BRI3: variants seen among roughly 807,000 people sequenced by gnomAD.
The protein encoded by BRI3 is brain protein I3, also known as membrane protein BRI3.
BRI3 carries 6 observed loss-of-function variants against 12.8 expected under a neutral mutation model. The observed-to-expected ratio is 0.47, with a 90% CI of 0.26 to 0.93. BRI3 has a LOEUF of 0.93. Ranked by LOEUF, BRI3 falls within the 40% of genes least tolerant of loss-of-function variation. BRI3 has a pLI of 0.15. For synonymous variants in BRI3, 91 were observed against 76.1 expected, an observed-to-expected ratio of 1.20 and a Z score of -1.02; for missense variants, 134 against 171.1, an observed-to-expected ratio of 0.78 and a Z score of 1.21.
upstream of BRI3, chr7:98,304,117 C>T (rs1011138130): frequency 2.3e-5 from 32 of 1,407,330 alleles, no homozygotes; most frequent in East Asian, 1.3e-4. Flanking sequence ...CAGAGCAAGG[C>T]GGTCACCACA....
the BRI3 span, among the ~76,000 whole-genome samples, chr7:98,317,657 T>G: frequency 1.3e-5 from 2 of 151,678 alleles, no homozygotes; most frequent in East Asian, 3.9e-4. Context: ...ATCCACACAC[T>G]GGCTGGGACC....
At chr7:98,303,200 G>C (rs1018107859), upstream of BRI3, among the ~76,000 whole-genome samples, 8 of 152,198 alleles carry the variant, frequency 5.3e-5, no homozygotes, top group African/African-American at 1.9e-4. Context: ...CTCACGCGTA[G>C]GTCTGGGGCA....
At chr7:98,285,885 G>C (rs1157225157) in intron 2 of BRI3, among the ~76,000 whole-genome samples, 1 of 152,182 alleles carries the variant, frequency 6.6e-6, no homozygotes, top group African/African-American at 2.4e-5. Context: ...CATGGCTTCA[G>C]GCCCTCAGCC....
At chr7:98,301,508 G>A (rs894343605) in intron 1 of BRI3, among the ~76,000 whole-genome samples, 4 of 149,718 alleles carry the variant, frequency 2.7e-5, no homozygotes, top group African/African-American at 4.9e-5. Context: ...AAGTGGAGAC[G>A]GGATTTCACC....
chr7:98,317,377 CTTATT>C, the BRI3 span: 1 of 1,611,258 alleles, frequency 6.2e-7, no homozygotes, highest in South Asian at 1.1e-5. Context: ...AATGGCTGTG[CTTATT>C]TTACTGTGGC....
downstream of BRI3, chr7:98,312,287 C>G: frequency 1.3e-6 from 2 of 1,582,876 alleles, no homozygotes; most frequent in Non-Finnish European, 1.7e-6. Context: ...AAGAAGAAGA[C>G]TAAAGACAAA....
the BRI3 span, among the ~76,000 whole-genome samples, chr7:98,321,290 T>C: frequency 4.6e-5 from 7 of 152,252 alleles, no homozygotes; most frequent in East Asian, 1.3e-3. Context: ...AAATGATTTA[T>C]TTTTATCGAA....
At chr7:98,305,396 A>G (rs958297104), upstream of BRI3, among the ~76,000 whole-genome samples, 3 of 152,212 alleles carry the variant, frequency 2.0e-5, 1 homozygote, top group African/African-American at 7.2e-5. Context: ...CCCCAGCACA[A>G]TGGCATTTTA....
chr7:98,315,625 A>AATAAT, the BRI3 span: 4,172 of 1,130,974 alleles, frequency 3.7e-3, 22 homozygotes, highest in African/African-American at 0.018. Flanking sequence ...AAAAAAAAAA[A>AATAAT]AATAATAATA....
chr7:98,306,660 T>C (rs1232870592), exon 1 of BRI3: 1 of 1,211,406 alleles, frequency 8.3e-7, no homozygotes, highest in Non-Finnish European at 1.1e-6. Context: ...TTAAGGCTTT[T>C]AATAGGTAAA....
At chr7:98,288,894 A>C (rs1799800530) in intron 2 of BRI3, among the ~76,000 whole-genome samples, 1 of 151,794 alleles carries the variant, frequency 6.6e-6, no homozygotes, top group South Asian at 2.1e-4. Context: ...GTCCTACTCC[A>C]CTGGAGATTG....
chr7:98,310,126 C>T lies in BRI3; in HGVS notation n.2756C>T, dbSNP rs1025299006. On this transcript the variant is annotated non_coding_transcript_exon_variant, in exon 2 of 2. Coordinates refer to the BRI3 transcript ENST00000485422. Reference sequence around the variant, plus strand: ...TCGGCCTCCCAAAGGGCTGGGATTACAGGCGTGAGCCACCGCGCCTGGCCT... The same window carrying T: ...TCGGCCTCCCAAAGGGCTGGGATTATAGGCGTGAGCCACCGCGCCTGGCCT... 7.2e-5 allele frequency: 17 copies of T among 235,994 alleles called. No individual in the cohort carries two copies. In the South Asian group the frequency reaches 8.4e-4, roughly 12 times the overall value. 14.6% of individuals were successfully genotyped at this position (235,994 alleles called of 1,614,324 possible).
At chr7:98,312,120 G>T, downstream of BRI3, 1 of 1,610,174 alleles carries the variant, frequency 6.2e-7, no homozygotes, top group East Asian at 2.2e-5. Context: ...TCGATCATGG[G>T]TGAAGCCTGA....
Position 98,291,436 on chromosome 7 carries a change from A to G in BRI3, c.*193A>G, listed in dbSNP as rs1799950813. On this transcript the variant is annotated 3_prime_UTR_variant, in exon 3 of 3. Transcript: ENST00000297290. Reference sequence around the variant, plus strand: ...CTGCTCCCGCCCGAGGCTCATGACAACTCAATAAAGCACTGCTTTTATTTT... The same window carrying G: ...CTGCTCCCGCCCGAGGCTCATGACAGCTCAATAAAGCACTGCTTTTATTTT... The G allele has an allele frequency of 7.1e-7, 1 of 1,414,926 alleles. No individual in the cohort carries two copies. The highest frequency in any genetic ancestry group is 3.1e-5 in the Admixed American group (1 of 32,748). 87.6% of individuals were successfully genotyped at this position (1,414,926 alleles called of 1,614,324 possible).
chr7:98,308,638 T>C, exon 2 of BRI3: 1 of 225,712 alleles, frequency 4.4e-6, no homozygotes. Context: ...GGCTGATATT[T>C]CCACTCCAGG....
the BRI3 span, among the ~76,000 whole-genome samples, chr7:98,319,190 G>T: frequency 4.4e-4 from 67 of 152,244 alleles, 1 homozygote; most frequent in Middle Eastern, 3.4e-3. Context: ...GGGGACTTTG[G>T]GTGGCAGGAG....
At chr7:98,292,984 G>A (rs1255503353), downstream of BRI3, 8 of 1,180,952 alleles carry the variant, frequency 6.8e-6, no homozygotes, top group Non-Finnish European at 7.3e-6. Context: ...CTCCATCTCT[G>A]GAAGCTCTAC....
the BRI3 span, among the ~76,000 whole-genome samples, chr7:98,316,408 CCTT>C: frequency 2.3e-4 from 35 of 152,222 alleles, 1 homozygote; most frequent in South Asian, 6.4e-3. Context: ...ATGGAGAGTC[CCTT>C]CTTCTTTCAG....
intron 2 of BRI3, among the ~76,000 whole-genome samples, chr7:98,289,627 CCACT>C (rs985246500): frequency 4.6e-5 from 7 of 152,182 alleles, no homozygotes; most frequent in East Asian, 1.9e-4. Flanking sequence ...GTTTTTCTGT[CCACT>C]CACTCCAGCA....
Sources: gnomAD v4.1 joint callset for allele counts (sites outside exome capture counted in the v4.1 genomes callset) on GRCh38, gnomAD v4.1.1 for gene constraint, MANE v1.5 for transcripts, NCBI Gene and HGNC (gene_info 2026-07-23, HGNC 2026-07-21) for gene names.